Variants in BLM observed in about 807,000 individuals in gnomAD.
The protein encoded by BLM is recQ-like DNA helicase BLM.
A neutral mutation model predicts 135.3 loss-of-function variants in BLM; 95 were observed. That is an observed-to-expected ratio of 0.70 (90% confidence interval 0.59 to 0.83). The LOEUF (loss-of-function observed/expected upper bound fraction) is 0.83. Among genes scored for constraint, BLM ranks in the 40% least tolerant of loss-of-function variants. The pLI is 0.00. For synonymous variants in BLM, 520 were observed against 589.2 expected (o/e 0.88, Z 1.70); for missense variants, 1,518 against 1,663.9 (o/e 0.91, Z 1.53).
chr15:90,802,397 C>A (rs1336452893), intron 17 of BLM, among the ~76,000 whole-genome samples: 1 of 152,162 alleles, frequency 6.6e-6, no homozygotes, highest in African/African-American at 2.4e-5. Context: ...GTCACAGCAG[C>A]TTATGAATGA....
chr15:90,744,778 G>A (rs554556862), intron 1 of BLM, among the ~76,000 whole-genome samples: 12 of 152,120 alleles, frequency 7.9e-5, no homozygotes, highest in African/African-American at 2.2e-4. Flanking sequence ...GGCTGGGCGC[G>A]GTGGCTCACA....
At chr15:90,741,925 A>G (rs1173249390) in intron 1 of BLM, among the ~76,000 whole-genome samples, 1 of 152,146 alleles carries the variant, frequency 6.6e-6, no homozygotes, top group Non-Finnish European at 1.5e-5. Flanking sequence ...AACACTTGTA[A>G]TTTTGTGTTT....
intron 1 of BLM, among the ~76,000 whole-genome samples, chr15:90,718,759 C>A (rs915613658): frequency 3.3e-5 from 5 of 151,934 alleles, no homozygotes; most frequent in Non-Finnish European, 5.9e-5. Context: ...TTATTTCCTT[C>A]GTTTTACTGA....
intron 4 of BLM, among the ~76,000 whole-genome samples, chr15:90,752,312 A>C (rs1895709786): frequency 6.6e-6 from 1 of 152,068 alleles, no homozygotes. Flanking sequence ...GGTAGCTGGA[A>C]CTACAGGTGC....
intron 12 of BLM, among the ~76,000 whole-genome samples, chr15:90,772,321 A>G (rs1896344388): frequency 6.6e-6 from 1 of 152,228 alleles, no homozygotes; most frequent in South Asian, 2.1e-4. Flanking sequence ...CACACAAAAA[A>G]GGCTTTATTC....
At chr15:90,753,149 C>G (rs1895732440) in intron 4 of BLM, among the ~76,000 whole-genome samples, 1 of 152,118 alleles carries the variant, frequency 6.6e-6, no homozygotes, top group African/African-American at 2.4e-5. Flanking sequence ...GCAGGAGGAT[C>G]CCTTAAGCCC....
chr15:90,777,753 T>G (rs1896518117), intron 12 of BLM, among the ~76,000 whole-genome samples: 1 of 152,216 alleles, frequency 6.6e-6, no homozygotes, highest in African/African-American at 2.4e-5. Flanking sequence ...TTCTGTATTT[T>G]CACAGAATTG....
At chr15:90,741,637 C>T (rs565309694) in intron 1 of BLM, among the ~76,000 whole-genome samples, 2 of 152,074 alleles carry the variant, frequency 1.3e-5, no homozygotes, top group African/African-American at 2.4e-5. Context: ...AGATTTTACC[C>T]TACATTTATA....
intron 4 of BLM, 147 bp downstream of exon 4, chr15:90,752,093 C>A: frequency 1.3e-6 from 1 of 772,370 alleles, no homozygotes; most frequent in Non-Finnish European, 2.0e-6. Flanking sequence ...AAAAAAAACC[C>A]TGTTTATACA....
intron 5 of BLM, 193 bp from the exon 6 acceptor site, chr15:90,759,954 G>T: frequency 4.8e-6 from 2 of 413,432 alleles, no homozygotes; most frequent in South Asian, 2.5e-5. Flanking sequence ...AAGATCTTAA[G>T]ACTTTTTTTT....
chr15:90,798,111 C>G (rs1897072843), intron 16 of BLM, 79 bp from the exon 17 acceptor site: 2 of 1,301,088 alleles, frequency 1.5e-6, no homozygotes. Flanking sequence ...GATGAATCTA[C>G]TATAGTTAAT....
intron 16 of BLM, 68 bp downstream of exon 16, chr15:90,794,425 C>T (rs1896982649): frequency 7.8e-7 from 1 of 1,278,072 alleles, no homozygotes; most frequent in Non-Finnish European, 1.1e-6. Flanking sequence ...AATGTAGATA[C>T]AAATTAGATT....
At position 90,749,974 on chromosome 15, in the gene BLM, AT is replaced by A. The variant is rs1217879599; in HGVS notation, c.709del (p.Cys237AlafsTer12). On this transcript the variant is annotated frameshift_variant, in exon 3 of 22. Coordinates refer to ENST00000355112, the MANE Select transcript of BLM (RefSeq NM_000057.4). LOFTEE classifies it high-confidence loss of function. ...CTCAGAATGGTTAAGCAGCGATGTG[AT>A]TTGCATCGATGATGGCCCCATTGCT... ...DDSEWLSSDV[I>X]CIDDGPIAEV... 12 of 1,614,226 alleles carry A rather than the reference AT, an allele frequency of 7.4e-6. No homozygotes were observed. The highest frequency in any genetic ancestry group is 9.3e-6 in the Non-Finnish European group (11 of 1,180,042).
intron 12 of BLM, 90 bp downstream of exon 12, chr15:90,769,676 C>A: frequency 7.2e-7 from 1 of 1,379,496 alleles, no homozygotes; most frequent in Non-Finnish European, 1.0e-6. Context: ...CGCTTTAACG[C>A]CACCACCCCA....
intron 8 of BLM, 120 bp from the exon 9 acceptor site, chr15:90,765,176 T>C: frequency 3.7e-6 from 3 of 807,736 alleles, no homozygotes; most frequent in Non-Finnish European, 6.6e-6. Context: ...TATGGCAAAT[T>C]GTTGGCACCA....
chr15:90,767,444 G>C lies in BLM; in HGVS notation c.2307+421G>C, dbSNP rs1055792414. ...TCCCAGATCATGCATGCATTCCGTT[G>C]TGCTTCTCTGTAATCTTGTAAACAG... On this transcript the variant is annotated intron_variant, in intron 10 of 21. Coordinates refer to ENST00000355112, the MANE Select transcript of BLM (RefSeq NM_000057.4). Among the ~76,000 whole-genome samples the C allele has an allele frequency of 2.6e-5, 4 of 152,286 alleles. No homozygotes were observed. In the South Asian group the frequency reaches 6.2e-4, roughly 24 times the overall value.
At chr15:90,809,578 T>C (rs535239912) in intron 20 of BLM, among the ~76,000 whole-genome samples, 1 of 152,348 alleles carries the variant, frequency 6.6e-6, no homozygotes, top group East Asian at 1.9e-4. Context: ...TCATGCTGTG[T>C]GGTCTCTAGC....
At position 90,803,548 on chromosome 15, in the gene BLM, G is replaced by C. The variant is rs375841213; in HGVS notation, c.3386G>C (p.Gly1129Ala). ...AGTAAGAGTGCAAAAATCCAGTCAG[G>C]TATATTTGGAAAAGGATCTGCTTAT... ...LGSKSAKIQS[G>A]IFGKGSAYSR... Residue 1129 changes from glycine (G) to alanine (A), a missense_variant, in exon 18 of 22, where the codon GGT (glycine) becomes GCT (alanine). Physicochemically the swap from Gly to Ala is moderately conservative, Grantham distance 60. Coordinates refer to ENST00000355112, the MANE Select transcript of BLM (RefSeq NM_000057.4). 1.2e-6 allele frequency: 2 copies of C among 1,613,788 alleles called. No individual in the cohort carries two copies. The highest frequency in any genetic ancestry group is 1.7e-6 in the Non-Finnish European group (2 of 1,179,798).
chr15:90,754,560 G>A (rs952558741), intron 4 of BLM, among the ~76,000 whole-genome samples: 2 of 152,174 alleles, frequency 1.3e-5, no homozygotes, highest in African/African-American at 4.8e-5. Context: ...AAGAATGTAA[G>A]TGGTACAGTA....
Sources: gnomAD v4.1 joint callset for allele counts (sites outside exome capture counted in the v4.1 genomes callset) on GRCh38, gnomAD v4.1.1 for gene constraint, MANE v1.5 for transcripts, NCBI Gene and HGNC (gene_info 2026-07-23, HGNC 2026-07-21) for gene names.